IRF6: variants seen among roughly 807,000 people sequenced by gnomAD.
IRF6 encodes interferon regulatory factor 6.
A neutral mutation model predicts 51.4 loss-of-function variants in IRF6; 6 were observed. The ratio of observed to expected loss-of-function variants is 0.12; its 90% CI spans 0.06 to 0.23. The LOEUF is 0.23. Among genes scored for constraint, IRF6 ranks in the 10% least tolerant of loss-of-function variants. The pLI is 1.00. For synonymous variants in IRF6, 178 were observed against 215.7 expected, an observed-to-expected ratio of 0.83 and a Z score of 1.53; for missense variants, 348 against 585.2, an observed-to-expected ratio of 0.59 and a Z score of 4.18.
At chr1:209,800,499 G>A (rs1220328937) in intron 3 of IRF6, among the ~76,000 whole-genome samples, 2 of 152,190 alleles carry the variant, frequency 1.3e-5, no homozygotes, top group African/African-American at 2.4e-5. Context: ...GCTTATGCCT[G>A]TAATCTGAAC....
At chr1:209,800,970 A>G (rs1328079064) in intron 3 of IRF6, among the ~76,000 whole-genome samples, 1 of 152,104 alleles carries the variant, frequency 6.6e-6, no homozygotes, top group Non-Finnish European at 1.5e-5. Context: ...CAAACACATC[A>G]CTACAATCAC....
rs779518663 is a variant in IRF6 at position 209,790,520 on chromosome 1, T to C, written c.1035A>G (p.Leu345=). Residue 345 remains leucine (L), a synonymous_variant, in exon 7 of 9, where the codon CTA becomes CTG. Transcript: ENST00000367021. The surrounding 1 kb of genome is among the most constrained non-coding windows in gnomAD (Gnocchi z 4.8). The part of the protein sequence containing the change: ...NLIERQKKVK[L]FCLETFLSDL... ...CGCTAAGGAATGTTTCCAGACAAAA[T>C]AGCTTGACCTTCTTTTGTCTCTCAA... 5 of 1,614,086 alleles carry C rather than the reference T, an allele frequency of 3.1e-6. No homozygotes were observed. The South Asian group carries it at 5.5e-5, about 18-fold the overall frequency.
intron 8 of IRF6, 145 bp downstream of exon 8, chr1:209,789,522 T>C (rs566247253): frequency 5.5e-6 from 4 of 732,412 alleles, no homozygotes; most frequent in Admixed American, 3.7e-5. Context: ...TGAGTCCTAC[T>C]GCACAAACCT....
At chr1:209,795,175 G>T in intron 5 of IRF6, 115 bp downstream of exon 5, 1 of 1,215,988 alleles carries the variant, frequency 8.2e-7, no homozygotes, top group Non-Finnish European at 1.2e-6. Context: ...CAGCAGTCTG[G>T]CTGCAGGGAC....
In IRF6 at chr1:209,788,420, T is replaced by C; in HGVS notation, c.1404A>G (p.Ter468=). The change falls in exon 9 of 9, where the codon TAA becomes TAG. Residue 468 remains the stop codon, a stop_retained_variant. Transcript: ENST00000367021. ...MQLPPALPPQ[*] is the part of the protein sequence containing the mutation. ...AGAAGGAAGAAGATGGCATTCACAA[T>C]TACTGGGGAGGCAGGGCAGGGGGCA... 3.1e-6 allele frequency: 5 copies of C among 1,589,378 alleles called. No homozygotes were observed. Among genetic ancestry groups the C allele is most frequent in the Non-Finnish European group, 4.3e-6 (5 of 1,158,250 alleles).
Position 209,792,809 on chromosome 1 carries a change from T to C in IRF6, c.509-382A>G, listed in dbSNP as rs142814589. ...AACGAACTCAGCTAAATTAGCTGAT[T>C]AGCTTCGAGTAAGTGTTAATGCATA... On this transcript the variant is annotated intron_variant, in intron 5 of 8. Transcript: ENST00000367021. The C allele has an allele frequency of 1.8e-3, 540 of 298,460 alleles. 3 individuals are homozygous for C. Among genetic ancestry groups the C allele is most frequent in the African/African-American group, 0.01 (483 of 46,204 alleles). The allele number at this position is 298,460 out of a possible 1,614,324, so 18.5% of individuals were successfully genotyped here. A position where few individuals can be genotyped will look rare whatever the true frequency, so the allele number is the denominator to read the frequency against.
chr1:209,789,801 G>A lies in IRF6; in HGVS notation c.1061-16C>T. 1 of 1,575,078 alleles carries A rather than the reference G, an allele frequency of 6.3e-7. No individual in the cohort carries two copies. Among genetic ancestry groups the A allele is most frequent in the Non-Finnish European group, 8.7e-7 (1 of 1,145,500 alleles). ...GCAATGAGATCTGCAGAAAGTGGAA[G>A]AGCAAGTTTGGTATACTGGGTCATT... On this transcript the variant is annotated splice_polypyrimidine_tract_variant and intron_variant, in intron 7 of 8. Coordinates refer to ENST00000367021, the MANE Select transcript of IRF6 (RefSeq NM_006147.4).
chr1:209,802,925 A>G (rs1365535009), intron 1 of IRF6, among the ~76,000 whole-genome samples: 1 of 152,172 alleles, frequency 6.6e-6, no homozygotes, highest in Non-Finnish European at 1.5e-5. Flanking sequence ...GAAAAACCCA[A>G]ACCCAACTCA....
chr1:209,790,557 G>A lies in IRF6; in HGVS notation c.998C>T (p.Ala333Val), dbSNP rs772030925. ...WSGPCAPSLV[A>V]PNLIERQKKV... The stretch of plus-strand genomic sequence containing the variant: ...CTTTTGTCTCTCAATCAGGTTGGGA[G>A]CAACAAGTGATGGGGCACATGGCCC... The change falls in exon 7 of 9, where the codon GCT becomes GTT. Residue 333 changes from alanine to valine, a missense_variant. By Grantham distance (64) the Ala-to-Val change is moderately conservative (BLOSUM62 0). This residue lies in a region of IRF6 where 125 missense variants were observed against 222.0 expected (regional missense o/e 0.56). Coordinates refer to ENST00000367021, the MANE Select transcript of IRF6 (RefSeq NM_006147.4). This position sits in a 1 kb window ranked among gnomAD's most constrained non-coding sequence, Gnocchi z 4.8. 2 of 1,614,244 alleles carry A rather than the reference G, an allele frequency of 1.2e-6. No homozygotes were observed. The highest frequency in any genetic ancestry group is 2.2e-5 in the East Asian group (1 of 44,890).
At chr1:209,799,345 G>A (rs1011559615) in intron 3 of IRF6, among the ~76,000 whole-genome samples, 4 of 152,134 alleles carry the variant, frequency 2.6e-5, no homozygotes, top group African/African-American at 7.2e-5. Flanking sequence ...CTTACTGGCT[G>A]TGTGACTTTG....
At chr1:209,805,656 TAGTGGGGTTGTTGACGGCCGAGAGC>T (rs1187632811) in intron 1 of IRF6, among the ~76,000 whole-genome samples, 1 of 152,078 alleles carries the variant, frequency 6.6e-6, no homozygotes, top group Admixed American at 6.5e-5. Flanking sequence ...CTCTACCGGA[TAGTGGGGTTGTTGACGGCCGAGAGC>T]AGTGCCCTCC....
chr1:209,802,579 G>T (rs146611396), intron 1 of IRF6, among the ~76,000 whole-genome samples: 1,667 of 152,314 alleles, frequency 0.011, 27 homozygotes, highest in African/African-American at 0.038. Flanking sequence ...TTGTTCATCA[G>T]CTACTGTGTG....
In IRF6 at chr1:209,787,580, T is replaced by C. The variant is rs742214; in HGVS notation, c.*840A>G. 0.22 allele frequency: 34,160 copies of C among 152,132 alleles called. 4,392 individuals carry two copies. The highest frequency in any genetic ancestry group is 0.47 in the East Asian group (2,426 of 5,140). The allele number at this position is 152,132 out of a possible 1,614,324, so 9.4% of individuals were successfully genotyped here. On this transcript the variant is annotated 3_prime_UTR_variant, in exon 9 of 9. Coordinates refer to ENST00000367021, the MANE Select transcript of IRF6 (RefSeq NM_006147.4). ...GCTCTTTCCTCTTAAAGCTAACACC[T>C]GAGTCACATACTGTCACCTACCCCC...
intron 1 of IRF6, 79 bp from the exon 2 acceptor site, chr1:209,802,122 G>A (rs2077947803): frequency 6.6e-6 from 1 of 152,204 alleles, no homozygotes; most frequent in African/African-American, 2.4e-5. Context: ...GGGAACACTG[G>A]CGACAAAGGC....
chr1:209,792,410 C>G lies in IRF6; in HGVS notation c.526G>C (p.Ala176Pro). The G allele has an allele frequency of 6.2e-7, 1 of 1,614,188 alleles. No homozygotes were observed. The highest frequency in any genetic ancestry group is 1.3e-5 in the African/African-American group (1 of 75,056). Residue 176 changes from alanine (A) to proline (P), a missense_variant, in exon 6 of 9, where the codon GCC (alanine) becomes CCC (proline). Physicochemically the swap from Ala to Pro is conservative, Grantham distance 27. Around this residue, in one of 5 missense-constraint regions of IRF6, gnomAD observed 124 missense variants for 141.6 expected, o/e 0.88. Coordinates refer to ENST00000367021, the MANE Select transcript of IRF6 (RefSeq NM_006147.4). ...CCCACACTGCAATTGCCCACACTGGCTGGCGCCATGGGAGAACCTAAAACA... is the reference window on the plus strand; with the variant it reads ...CCCACACTGCAATTGCCCACACTGGGTGGCGCCATGGGAGAACCTAAAACA... ...LNINGSPMAP[A>P]SVGNCSVGNC...
chr1:209,798,518 T>C (rs1041108381), intron 3 of IRF6, among the ~76,000 whole-genome samples: 3 of 152,204 alleles, frequency 2.0e-5, no homozygotes, highest in African/African-American at 7.2e-5. Flanking sequence ...CCAGCCTTCC[T>C]GCTCACCACA....
At chr1:209,801,469 T>G in intron 2 of IRF6, 53 bp from the exon 3 acceptor site, 2 of 1,425,432 alleles carry the variant, frequency 1.4e-6, no homozygotes, top group South Asian at 2.7e-5. Flanking sequence ...GGCCAGCCAC[T>G]GGGAACCCTT....
chr1:209,792,872 A>G (rs938423114), intron 5 of IRF6, among the ~76,000 whole-genome samples: 1 of 152,232 alleles, frequency 6.6e-6, no homozygotes, highest in Admixed American at 6.5e-5. Context: ...TTTTACATGC[A>G]TAAAATGTCT....
chr1:209,801,208 A>C, intron 3 of IRF6, 32 bp downstream of exon 3: 3 of 1,446,382 alleles, frequency 2.1e-6, no homozygotes, highest in Non-Finnish European at 2.9e-6. Flanking sequence ...AAAAAAATCC[A>C]GAAAGGTCTG....
Sources: gnomAD v4.1 joint callset for allele counts (sites outside exome capture counted in the v4.1 genomes callset) on GRCh38, gnomAD v4.1.1 for gene constraint, gnomAD v4.1.1 regional missense constraint, Gnocchi (gnomAD v3.1) non-coding constraint, MANE v1.5 for transcripts, NCBI Gene and HGNC (gene_info 2026-07-23, HGNC 2026-07-21) for gene names.